The following LYRM4 variants were observed in gnomAD, a reference collection of about 807,000 sequenced individuals.
The protein encoded by LYRM4 is LYR motif containing 4.
A neutral mutation model predicts 11.7 loss-of-function variants in LYRM4; 9 were observed. That is an observed-to-expected ratio of 0.77 (90% confidence interval 0.46 to 1.34). The LOEUF is 1.34. LYRM4 is among the 40% of genes most tolerant of loss of function. The pLI, the probability that LYRM4 is intolerant of heterozygous loss-of-function variation, is 0.00. For synonymous variants in LYRM4, 42 were observed against 40.4 expected, an observed-to-expected ratio of 1.04 and a Z score of -0.15; for missense variants, 133 against 112.5, an observed-to-expected ratio of 1.18 and a Z score of -0.82.
chr6:5,101,947 A>G (rs1427652080), downstream of LYRM4, among the ~76,000 whole-genome samples: 1 of 80,490 alleles, frequency 1.2e-5, no homozygotes, highest in Admixed American at 1.4e-4. Flanking sequence ...ACACGAAAAC[A>G]CTACATCCAA....
At chr6:5,192,050 T>C (rs777982605) in intron 2 of LYRM4, among the ~76,000 whole-genome samples, 4 of 152,148 alleles carry the variant, frequency 2.6e-5, no homozygotes, top group African/African-American at 9.7e-5. Flanking sequence ...GATGCTTGCA[T>C]GGATTCTGGA....
chr6:5,149,392 A>G (rs763883), intron 2 of LYRM4, among the ~76,000 whole-genome samples: 94,595 of 152,000 alleles, frequency 0.62, 31,092 homozygotes, highest in East Asian at 0.78. Flanking sequence ...GGATGGTGTC[A>G]GGCTCATTAT....
chr6:5,061,319 C>G, the LYRM4 span, among the ~76,000 whole-genome samples: 1 of 152,180 alleles, frequency 6.6e-6, no homozygotes, highest in Admixed American at 6.5e-5. Context: ...GTGCAGAGGC[C>G]TGCCTGTCAG....
chr6:5,114,171 G>T (rs1763017640), intron 2 of LYRM4, among the ~76,000 whole-genome samples: 1 of 152,166 alleles, frequency 6.6e-6, no homozygotes, highest in Non-Finnish European at 1.5e-5. Flanking sequence ...CGTTCTGCCT[G>T]GAATATGAAC....
chr6:5,175,329 T>C (rs1759654953), intron 2 of LYRM4, among the ~76,000 whole-genome samples: 1 of 152,208 alleles, frequency 6.6e-6, no homozygotes, highest in African/African-American at 2.4e-5. Flanking sequence ...CACCTCCGTT[T>C]GGAACAGCTG....
At chr6:5,154,008 A>G (rs935116728) in intron 2 of LYRM4, among the ~76,000 whole-genome samples, 2 of 152,224 alleles carry the variant, frequency 1.3e-5, no homozygotes, top group African/African-American at 4.8e-5. Flanking sequence ...AAAGAAAATT[A>G]CCTGCTAAAT....
At chr6:5,154,063 A>G (rs1010377289) in intron 2 of LYRM4, among the ~76,000 whole-genome samples, 1 of 152,202 alleles carries the variant, frequency 6.6e-6, no homozygotes, top group Non-Finnish European at 1.5e-5. Flanking sequence ...TAAGTTATAG[A>G]GTCAACCAAG....
the LYRM4 span, among the ~76,000 whole-genome samples, chr6:5,071,740 C>T: frequency 7.2e-4 from 109 of 152,218 alleles, no homozygotes; most frequent in Non-Finnish European, 1.3e-3. Flanking sequence ...CTGGCTCACA[C>T]GATTCTCCTG....
At chr6:5,101,176 T>C (rs924721254), downstream of LYRM4, among the ~76,000 whole-genome samples, 1 of 152,192 alleles carries the variant, frequency 6.6e-6, no homozygotes, top group African/African-American at 2.4e-5. Flanking sequence ...TAGAAGTAGT[T>C]CCTCCTTCTG....
At chr6:5,083,978 A>C in the LYRM4 span, among the ~76,000 whole-genome samples, 2 of 152,166 alleles carry the variant, frequency 1.3e-5, no homozygotes, top group African/African-American at 4.8e-5. Flanking sequence ...CTGAGTCACA[A>C]ACGCTAGGGA....
At chr6:5,104,411 A>G (rs181676069), downstream of LYRM4, 8 of 152,200 alleles carry the variant, frequency 5.3e-5, no homozygotes. Context: ...AGTAGCTAGG[A>G]CAACAGTTGC....
intron 2 of LYRM4, among the ~76,000 whole-genome samples, chr6:5,119,794 C>CAAAAAAAAAAAAAA (rs968606439): frequency 1.2e-4 from 2 of 16,876 alleles, no homozygotes; most frequent in African/African-American, 2.5e-4. Flanking sequence ...GTCTCCATAA[C>CAAAAAAAAAAAAAA]AAAAAAAAAA....
chr6:5,072,315 G>T, the LYRM4 span, among the ~76,000 whole-genome samples: 1 of 152,216 alleles, frequency 6.6e-6, no homozygotes, highest in South Asian at 2.1e-4. Context: ...ATAATAGAAT[G>T]ATTTATATTC....
chr6:5,102,296 T>C (rs2127589336), downstream of LYRM4, among the ~76,000 whole-genome samples: 1 of 152,300 alleles, frequency 6.6e-6, no homozygotes, highest in Non-Finnish European at 1.5e-5. Context: ...AAGAGTGTCT[T>C]TGGCAATTCT....
chr6:5,118,843 G>C (rs1324957370), intron 2 of LYRM4, among the ~76,000 whole-genome samples: 1 of 152,172 alleles, frequency 6.6e-6, no homozygotes, highest in South Asian at 2.1e-4. Context: ...TCTAAAAATA[G>C]CCCTCAGTCC....
At chr6:5,231,450 C>T (rs1333434538) in intron 1 of LYRM4, among the ~76,000 whole-genome samples, 2 of 152,112 alleles carry the variant, frequency 1.3e-5, no homozygotes, top group Non-Finnish European at 2.9e-5. Context: ...TGGATTGAAT[C>T]CAGGGCAAGA....
chr6:5,138,926 A>C (rs1021160754), intron 2 of LYRM4, among the ~76,000 whole-genome samples: 1 of 152,226 alleles, frequency 6.6e-6, no homozygotes, highest in Non-Finnish European at 1.5e-5. Context: ...TTGAAGTCTT[A>C]AAGAAAGTCT....
chr6:5,138,100 T>A (rs1205906355), intron 2 of LYRM4, among the ~76,000 whole-genome samples: 1 of 152,144 alleles, frequency 6.6e-6, no homozygotes, highest in Non-Finnish European at 1.5e-5. Flanking sequence ...CTATAAAGAC[T>A]AATGGTAGAC....
At chr6:5,079,517 G>A in the LYRM4 span, among the ~76,000 whole-genome samples, 1 of 152,204 alleles carries the variant, frequency 6.6e-6, no homozygotes, top group African/African-American at 2.4e-5. Flanking sequence ...GGGGTCACGT[G>A]TTCTGATCCC....
Sources: gnomAD v4.1 joint callset for allele counts (sites outside exome capture counted in the v4.1 genomes callset) on GRCh38, gnomAD v4.1.1 for gene constraint, MANE v1.5 for transcripts, NCBI Gene and HGNC (gene_info 2026-07-23, HGNC 2026-07-21) for gene names.